SEMA3G: variants seen among roughly 807,000 people sequenced by gnomAD.
SEMA3G encodes semaphorin 3G.
In SEMA3G, 70 loss-of-function variants were observed where a neutral mutation model predicts 86.2. The ratio of observed to expected loss-of-function variants is 0.81; its 90% confidence interval spans 0.67 to 0.99. The LOEUF (loss-of-function observed/expected upper bound fraction) is 0.99, where lower values mean the gene tolerates loss of function less well. SEMA3G is among the 50% of genes least tolerant of loss of function. The pLI is 0.00. For missense variants in SEMA3G, 1,002 were observed against 1,072.4 expected (o/e 0.93, Z 0.92); for synonymous variants, 416 against 441.4 (o/e 0.94, Z 0.72).
chr3:52,437,907 G>T, intron 14 of SEMA3G, 64 bp downstream of exon 14: 1 of 1,437,882 alleles, frequency 7.0e-7, no homozygotes, highest in South Asian at 1.2e-5. Flanking sequence ...CTTCGCAGGG[G>T]TGGAGCCGGG....
At position 52,441,674 on chromosome 3, in the gene SEMA3G, C is replaced by T. The variant is rs764426224; in HGVS notation, c.567G>A (p.Thr189=). The T allele has an allele frequency of 6.8e-6, 11 of 1,613,558 alleles. No individual in the cohort carries two copies. In the South Asian group the frequency reaches 7.7e-5, roughly 11 times the overall value. Residue 189 remains threonine, a synonymous_variant, in exon 6 of 16, where the codon ACG becomes ACA. Coordinates refer to ENST00000231721, the MANE Select transcript of SEMA3G (RefSeq NM_020163.3). ...ASTFIDGELY[T]GLTADFLGRE... is the part of the protein sequence containing the mutation. Reference sequence around the variant, plus strand: ...GCCCCAGGAAGTCAGCAGTGAGACCCGTGTACAGCTCCCCGTCTGGGGTGG... The same window carrying T: ...GCCCCAGGAAGTCAGCAGTGAGACCTGTGTACAGCTCCCCGTCTGGGGTGG...
chr3:52,442,779 G>A lies in SEMA3G; in HGVS notation c.244C>T (p.Arg82Trp), dbSNP rs749248509. ...LGGLDALYSLRLDQAWPDPRE... is the reference protein window; with the variant it reads ...LGGLDALYSLWLDQAWPDPRE... Reference sequence around the variant, plus strand: ...GGATCTGGCCATGCCTGGTCCAGCCGCAGAGAGTAGAGGGCGTCCAGGCCA... The same window carrying A: ...GGATCTGGCCATGCCTGGTCCAGCCACAGAGAGTAGAGGGCGTCCAGGCCA... The change falls in exon 2 of 16, where the codon CGG becomes TGG. Residue 82 changes from arginine to tryptophan, a missense_variant. By Grantham distance (101) the Arg-to-Trp change is moderately radical (BLOSUM62 -3). Coordinates refer to ENST00000231721, the MANE Select transcript of SEMA3G (RefSeq NM_020163.3). The surrounding 1 kb of genome is among the most constrained non-coding windows in gnomAD (Gnocchi z 6.1). The A allele has an allele frequency of 3.0e-5, 48 of 1,613,994 alleles. No homozygotes were observed. Among genetic ancestry groups the A allele is most frequent in the Non-Finnish European group, 3.8e-5 (45 of 1,179,968 alleles).
Position 52,441,574 on chromosome 3 carries a change from C to T in SEMA3G, c.667G>A (p.Asp223Asn), listed in dbSNP as rs752974950. 12 of 1,612,292 alleles carry T rather than the reference C, an allele frequency of 7.4e-6. No homozygotes were observed. The highest frequency in any genetic ancestry group is 2.2e-5 in the South Asian group (2 of 91,062). Residue 223 changes from aspartate to asparagine, a missense_variant and splice_region_variant, in exon 6 of 16, where the codon GAC (aspartate) becomes AAC (asparagine). By Grantham distance (23) the Asp-to-Asn change is conservative (BLOSUM62 1). Coordinates refer to ENST00000231721, the MANE Select transcript of SEMA3G (RefSeq NM_020163.3). ...RSDSDQSLLH[D>N]PRFVMAARIP... ...TGCCAGTTCCAGGGGCAGGCCTCAC[C>T]GTGCAAGAGACTCTGGTCAGAGTCG... is the stretch of plus-strand genomic sequence containing the variant.
intron 12 of SEMA3G, 28 bp from the exon 13 acceptor site, chr3:52,438,989 G>A: frequency 6.2e-7 from 1 of 1,610,518 alleles, no homozygotes; most frequent in African/African-American, 1.3e-5. Context: ...TCTCAGTGTG[G>A]GTCGGGTGGA....
In SEMA3G at chr3:52,441,284, GGCTGACAGTGACATGGT is replaced by G. The variant is rs1559611166; in HGVS notation, c.776_792del (p.Asn259ThrfsTer9). The G allele has an allele frequency of 6.2e-7, 1 of 1,613,528 alleles. No homozygotes were observed. The highest frequency in any genetic ancestry group is 1.7e-5 in the Admixed American group (1 of 60,016). ...CTTACCACGCAGACGCGGCCCACGCGGCTGACAGTGACATGGTTCGAGCCACCATCGGGCGAGGGGAC... is the reference window on the plus strand; with the variant it reads ...CTTACCACGCAGACGCGGCCCACGCGTCGAGCCACCATCGGGCGAGGGGAC... On this transcript the variant is annotated frameshift_variant, in exon 7 of 16. Coordinates refer to ENST00000231721, the MANE Select transcript of SEMA3G (RefSeq NM_020163.3). LOFTEE classifies it high-confidence loss of function.
At chr3:52,438,518 C>A in intron 13 of SEMA3G, 3 of 985,472 alleles carry the variant, frequency 3.0e-6, no homozygotes, top group Non-Finnish European at 3.6e-6. Flanking sequence ...CTTAGAGGTG[C>A]ACCTTGCTTT....
chr3:52,441,721 G>A (rs1354968432), intron 5 of SEMA3G, 31 bp from the exon 6 acceptor site: 1 of 1,602,558 alleles, frequency 6.2e-7, no homozygotes, highest in Non-Finnish European at 8.5e-7. Flanking sequence ...CAGAGTCAGG[G>A]GAGGAGGCCC....
chr3:52,433,514 G>C lies in SEMA3G; in HGVS notation c.*2089C>G, dbSNP rs577382435. ...AAATACAAAAACAACTCGCATTTAC[G>C]GGGCGTTTCCAGGAGTTAATAGCAT... On this transcript the variant is annotated 3_prime_UTR_variant, in exon 16 of 16. Coordinates refer to ENST00000231721, the MANE Select transcript of SEMA3G (RefSeq NM_020163.3). The C allele has an allele frequency of 6.6e-6, 1 of 152,620 alleles. No individual in the cohort carries two copies. The highest frequency in any genetic ancestry group is 1.5e-5 in the Non-Finnish European group (1 of 68,052). The allele number at this position is 152,620 out of a possible 1,614,324, so 9.5% of individuals were successfully genotyped here. A position where few individuals can be genotyped will look rare whatever the true frequency, so the allele number is the denominator to read the frequency against.
rs750442070 is a variant in SEMA3G at position 52,435,847 on chromosome 3, G to A, written c.2105C>T (p.Pro702Leu). 1 of 1,614,106 alleles carries A rather than the reference G, an allele frequency of 6.2e-7. No homozygotes were observed. The highest frequency in any genetic ancestry group is 8.5e-7 in the Non-Finnish European group (1 of 1,180,028). Reference protein sequence around the residue: ...PPARGGLASTPPKAWYKDILQ... With the variant: ...PPARGGLASTLPKAWYKDILQ... ...GATGTCCTTGTACCAGGCCTTGGGT[G>A]GGGTGGAAGCCAGGCCTCCCCGGGC... The change falls in exon 16 of 16, where the codon CCA (proline) becomes CTA (leucine). Residue 702 changes from proline (P) to leucine (L), a missense_variant. Transcript: ENST00000231721.
chr3:52,438,886 G>C (rs371165828), intron 13 of SEMA3G, 34 bp downstream of exon 13: 17 of 1,611,732 alleles, frequency 1.1e-5, no homozygotes, highest in Middle Eastern at 1.6e-4. Context: ...GGGGCAGAAG[G>C]GGGGTCCAAG....
At chr3:52,441,972 C>T in intron 4 of SEMA3G, 63 bp from the exon 5 acceptor site, 1 of 1,398,384 alleles carries the variant, frequency 7.2e-7, no homozygotes, top group Non-Finnish European at 9.9e-7. Context: ...GCAGCCCACA[C>T]CCAAGCAGGA....
At chr3:52,437,053 C>G (rs1048268175) in intron 15 of SEMA3G, among the ~76,000 whole-genome samples, 1 of 152,140 alleles carries the variant, frequency 6.6e-6, no homozygotes, top group African/African-American at 2.4e-5. Context: ...AAGTGTGGGG[C>G]CAGGCTTTGA....
intron 12 of SEMA3G, 116 bp from the exon 13 acceptor site, chr3:52,439,077 C>A: frequency 9.5e-7 from 1 of 1,058,028 alleles, no homozygotes; most frequent in South Asian, 1.5e-5. Flanking sequence ...CAGGCTGGGT[C>A]TTGCACTCCC....
At chr3:52,439,073 G>T in intron 12 of SEMA3G, 112 bp from the exon 13 acceptor site, 2 of 1,162,676 alleles carry the variant, frequency 1.7e-6, no homozygotes, top group South Asian at 2.9e-5. Context: ...CTCCCAGGCT[G>T]GGTCTTGCAC....
In SEMA3G at chr3:52,435,920, G is replaced by T. The variant is rs1312331041; in HGVS notation, c.2032C>A (p.Gln678Lys). ...RLALVVIVAS[Q>K]LDNLFPPEPK... Reference sequence around the variant, plus strand: ...TCCGGAGGGAACAGGTTGTCCAGCTGTGAGGCCACAATCACCACCAGAGCC... The same window carrying T: ...TCCGGAGGGAACAGGTTGTCCAGCTTTGAGGCCACAATCACCACCAGAGCC... The change falls in exon 16 of 16, where the codon CAG becomes AAG. Residue 678 changes from glutamine to lysine, a missense_variant. Coordinates refer to ENST00000231721, the MANE Select transcript of SEMA3G (RefSeq NM_020163.3). 2 of 1,614,014 alleles carry T rather than the reference G, an allele frequency of 1.2e-6. No homozygotes were observed. Among genetic ancestry groups the T allele is most frequent in the Admixed American group, 3.3e-5 (2 of 60,032 alleles).
chr3:52,441,538 C>G, intron 6 of SEMA3G, 36 bp downstream of exon 6: 1 of 1,596,286 alleles, frequency 6.3e-7, no homozygotes, highest in East Asian at 2.2e-5. Context: ...GGAAGGTAGC[C>G]TCTTCACCCC....
At chr3:52,439,817 G>A (rs1231923404) in intron 11 of SEMA3G, 46 bp from the exon 12 acceptor site, 1 of 1,610,182 alleles carries the variant, frequency 6.2e-7, no homozygotes, top group East Asian at 2.2e-5. Context: ...GGGACAGCCA[G>A]AGACCCCACA....
chr3:52,436,196 C>T, intron 15 of SEMA3G, 123 bp from the exon 16 acceptor site: 1 of 1,443,352 alleles, frequency 6.9e-7, no homozygotes, highest in South Asian at 1.5e-5. Context: ...CCTATTCTCC[C>T]CTTCCCAGGA....
chr3:52,442,867 G>C lies in SEMA3G; in HGVS notation c.156C>G (p.Pro52=), dbSNP rs1231065959. 25 of 1,608,718 alleles carry C rather than the reference G, an allele frequency of 1.6e-5. No homozygotes were observed. Among genetic ancestry groups the C allele is most frequent in the Non-Finnish European group, 2.0e-5 (24 of 1,177,618 alleles). Residue 52 remains proline, a synonymous_variant, in exon 2 of 16, where the codon CCC becomes CCG. Transcript: ENST00000231721. This position sits in a 1 kb window ranked among gnomAD's most constrained non-coding sequence, Gnocchi z 6.1. ...SANRSAIFLG[P]QGSLNLQAMY... ...TGGCCTGGAGGTTCAGGGAGCCCTG[G>C]GGGCCCAGAAAGATGGCAGAGCGGT...
Sources: gnomAD v4.1 joint callset for allele counts (sites outside exome capture counted in the v4.1 genomes callset) on GRCh38, gnomAD v4.1.1 for gene constraint, Gnocchi (gnomAD v3.1) non-coding constraint, MANE v1.5 for transcripts, NCBI Gene and HGNC (gene_info 2026-07-23, HGNC 2026-07-21) for gene names.